The following NKAIN2 variants were observed in gnomAD, a reference collection of about 807,000 sequenced individuals.
NKAIN2 encodes the protein sodium/potassium transporting ATPase interacting 2.
NKAIN2 carries 14 observed loss-of-function variants against 32.6 expected under a neutral mutation model. That is an observed-to-expected ratio of 0.43 (90% CI 0.28 to 0.67). The LOEUF is 0.67. Among genes scored for constraint, NKAIN2 ranks in the 30% least tolerant of loss-of-function variants. The pLI is 0.17. For synonymous variants in NKAIN2, 80 were observed against 87.2 expected, an observed-to-expected ratio of 0.92 and a Z score of 0.46; for missense variants, 198 against 258.3, an observed-to-expected ratio of 0.77 and a Z score of 1.60.
chr6:124,565,160 C>T (rs1293644766), intron 3 of NKAIN2, among the ~76,000 whole-genome samples: 1 of 152,096 alleles, frequency 6.6e-6, no homozygotes, highest in Non-Finnish European at 1.5e-5. Flanking sequence ...GTATCATAGC[C>T]AAGGTCTTAA....
intron 6 of NKAIN2, 57 bp from the exon 7 acceptor site, chr6:124,823,162 GA>G (rs1427727623): frequency 8.2e-7 from 1 of 1,222,450 alleles, no homozygotes; most frequent in Non-Finnish European, 1.2e-6. Flanking sequence ...AAAAGGTGGT[GA>G]GCAGCAGGCA....
At chr6:124,273,948 G>A (rs1179421541) in intron 1 of NKAIN2, among the ~76,000 whole-genome samples, 3 of 152,178 alleles carry the variant, frequency 2.0e-5, no homozygotes. Flanking sequence ...GTTCTTCTGA[G>A]AAGTTAGATT....
chr6:124,115,160 G>A (rs878929621), intron 1 of NKAIN2, among the ~76,000 whole-genome samples: 14 of 152,068 alleles, frequency 9.2e-5, no homozygotes, highest in Admixed American at 7.9e-4. Context: ...ATTATTTAAC[G>A]TTAGGCTATA....
chr6:124,150,894 A>C (rs1787682095), intron 1 of NKAIN2, among the ~76,000 whole-genome samples: 1 of 152,170 alleles, frequency 6.6e-6, no homozygotes, highest in African/African-American at 2.4e-5. Flanking sequence ...TATTTGTCTG[A>C]ATATATGTAT....
chr6:124,251,450 A>G (rs1793687712), intron 1 of NKAIN2, among the ~76,000 whole-genome samples: 1 of 152,084 alleles, frequency 6.6e-6, no homozygotes, highest in African/African-American at 2.4e-5. Context: ...AATGAGCACC[A>G]CAACAAAAAG....
intron 1 of NKAIN2, among the ~76,000 whole-genome samples, chr6:123,938,402 A>G (rs1338111055): frequency 4.1e-3 from 6 of 1,462 alleles, no homozygotes; most frequent in Non-Finnish European, 1.6e-3. Context: ...AGGGTTATAT[A>G]TATATATATA....
At chr6:124,098,682 AAT>A (rs2114943362) in intron 1 of NKAIN2, among the ~76,000 whole-genome samples, 1 of 152,194 alleles carries the variant, frequency 6.6e-6, no homozygotes, top group East Asian at 1.9e-4. Context: ...CAGCCTGGCC[AAT>A]ATGGTGAAAC....
intron 2 of NKAIN2, among the ~76,000 whole-genome samples, chr6:124,294,069 T>C (rs1022860965): frequency 6.6e-6 from 1 of 152,114 alleles, no homozygotes; most frequent in Non-Finnish European, 1.5e-5. Flanking sequence ...TTTTAAAAAA[T>C]GTTTATTTTA....
At chr6:124,781,665 A>T (rs1779270361) in intron 4 of NKAIN2, among the ~76,000 whole-genome samples, 2 of 152,242 alleles carry the variant, frequency 1.3e-5, no homozygotes, top group Middle Eastern at 6.8e-3. Context: ...TCACCCTTGC[A>T]TTGGCTATGA....
intron 3 of NKAIN2, among the ~76,000 whole-genome samples, chr6:124,481,205 A>G (rs1403816042): frequency 6.6e-6 from 1 of 151,050 alleles, no homozygotes; most frequent in Admixed American, 6.6e-5. Flanking sequence ...GGAACACCCA[A>G]TGAAAAGAAA....
chr6:124,505,250 A>G (rs1778430901), intron 3 of NKAIN2, among the ~76,000 whole-genome samples: 1 of 152,212 alleles, frequency 6.6e-6, no homozygotes, highest in Admixed American at 6.5e-5. Flanking sequence ...TATGTTTTAT[A>G]TTCAGTGAGT....
chr6:124,236,685 C>T (rs1792781937), intron 1 of NKAIN2, among the ~76,000 whole-genome samples: 1 of 152,094 alleles, frequency 6.6e-6, no homozygotes, highest in Non-Finnish European at 1.5e-5. Flanking sequence ...TCTAAGGCAA[C>T]TGTATTTTAA....
chr6:124,291,105 A>C (rs1475265491), intron 2 of NKAIN2, among the ~76,000 whole-genome samples: 1 of 152,148 alleles, frequency 6.6e-6, no homozygotes, highest in East Asian at 1.9e-4. Context: ...ATGACAGAGA[A>C]TGACTTTATT....
At chr6:124,731,203 A>C (rs1357944416) in intron 4 of NKAIN2, among the ~76,000 whole-genome samples, 2 of 113,106 alleles carry the variant, frequency 1.8e-5, no homozygotes, top group Non-Finnish European at 3.6e-5. Context: ...CAGCCATCCC[A>C]TTACTGGGTA....
intron 1 of NKAIN2, among the ~76,000 whole-genome samples, chr6:123,912,582 T>C (rs1745530432): frequency 6.6e-6 from 1 of 152,186 alleles, no homozygotes; most frequent in South Asian, 2.1e-4. Flanking sequence ...TAATTTTATG[T>C]GTCAATACAG....
chr6:123,921,918 G>A (rs1775774138), intron 1 of NKAIN2, among the ~76,000 whole-genome samples: 1 of 151,400 alleles, frequency 6.6e-6, no homozygotes, highest in South Asian at 2.1e-4. Context: ...GCAACAGAGT[G>A]AGACTCTGTC....
intron 1 of NKAIN2, among the ~76,000 whole-genome samples, chr6:123,892,741 A>C (rs1174898001): frequency 6.6e-6 from 1 of 151,796 alleles, no homozygotes; most frequent in Non-Finnish European, 1.5e-5. Flanking sequence ...TCTAACAGTT[A>C]AATGCATACT....
At chr6:123,882,462 G>A (rs1394911488) in intron 1 of NKAIN2, among the ~76,000 whole-genome samples, 2 of 151,944 alleles carry the variant, frequency 1.3e-5, no homozygotes, top group Non-Finnish European at 2.9e-5. Flanking sequence ...AATAGAAGGA[G>A]GTAATTTACA....
At chr6:124,082,719 C>A (rs1415841079) in intron 1 of NKAIN2, among the ~76,000 whole-genome samples, 2 of 151,710 alleles carry the variant, frequency 1.3e-5, no homozygotes, top group East Asian at 3.9e-4. Flanking sequence ...CAAATGAATT[C>A]TTTCTATAAG....
Sources: gnomAD v4.1 joint callset for allele counts (sites outside exome capture counted in the v4.1 genomes callset) on GRCh38, gnomAD v4.1.1 for gene constraint, MANE v1.5 for transcripts, NCBI Gene and HGNC (gene_info 2026-07-23, HGNC 2026-07-21) for gene names.